Variants in RTP1 observed in about 807,000 individuals in gnomAD.
RTP1 encodes receptor-transporting protein 1.
In RTP1, 24 loss-of-function variants were observed where a neutral mutation model predicts 27.1. The ratio of observed to expected loss-of-function variants is 0.89; its 90% CI spans 0.64 to 1.25. The LOEUF (loss-of-function observed/expected upper bound fraction) is 1.25. Ranked by LOEUF, RTP1 falls within the 50% of genes most tolerant of loss-of-function variation. The pLI, the probability that RTP1 is intolerant of heterozygous loss-of-function variation, is 0.00. For synonymous variants in RTP1, 148 were observed against 148.1 expected, an observed-to-expected ratio of 1.00 and a Z score of 0.00; for missense variants, 338 against 351.6, an observed-to-expected ratio of 0.96 and a Z score of 0.31.
At position 187,199,870 on chromosome 3, in the gene RTP1, A is replaced by G. The variant is rs773109866; in HGVS notation, c.592A>G (p.Ile198Val). Reference sequence around the variant, plus strand: ...GTTCTGCGAGGCCTGCCAGGAGGGCATCGTGCACTGGAAGCCCAGCGAGAA... The same window carrying G: ...GTTCTGCGAGGCCTGCCAGGAGGGCGTCGTGCACTGGAAGCCCAGCGAGAA... ...GEFCEACQEG[I>V]VHWKPSEKLL... The change falls in exon 2 of 2, where the codon ATC becomes GTC. Residue 198 changes from isoleucine to valine, a missense_variant. Coordinates refer to ENST00000312295, the MANE Select transcript of RTP1 (RefSeq NM_153708.3). 22 of 1,597,842 alleles carry G rather than the reference A, an allele frequency of 1.4e-5. No individual in the cohort carries two copies. Among genetic ancestry groups the G allele is most frequent in the Non-Finnish European group, 1.8e-5 (21 of 1,167,630 alleles).
rs372940821 is a variant in RTP1 at position 187,197,853 on chromosome 3, C to T, written c.272+66C>T. 2.3e-5 allele frequency: 34 copies of T among 1,490,324 alleles called. No individual in the cohort carries two copies. In the Middle Eastern group the frequency reaches 1.3e-3, roughly 57 times the overall value. The allele number at this position is 1,490,324 out of a possible 1,614,324, so 92.3% of individuals were successfully genotyped here. On this transcript the variant is annotated intron_variant, in intron 1 of 1. Transcript: ENST00000312295. ...AGGTCCCTAGCTCTGGGGCACCTTC[C>T]AAGGAGAGGAAGATTACGTAGAACC...
chr3:187,200,057 G>A lies in RTP1; in HGVS notation c.779G>A (p.Arg260His). Residue 260 changes from arginine (R) to histidine (H), a missense_variant, in exon 2 of 2, where the codon CGT becomes CAT. By Grantham distance (29) the Arg-to-His change is conservative. Coordinates refer to ENST00000312295, the MANE Select transcript of RTP1 (RefSeq NM_153708.3). ...ATCATCTACCTGCAGTTCTCTTTCC[G>A]TAGCTCCGTATAAGATTCCGTGGTT... ...LLIIYLQFSF[R>H]SSV is the part of the protein sequence containing the mutation. The A allele has an allele frequency of 2.0e-6, 3 of 1,513,024 alleles. No homozygotes were observed. Among genetic ancestry groups the A allele is most frequent in the Non-Finnish European group, 2.7e-6 (3 of 1,129,702 alleles). The allele number at this position is 1,513,024 out of a possible 1,614,324, so 93.7% of individuals were successfully genotyped here. A position where few individuals can be genotyped will look rare whatever the true frequency, so the allele number is the denominator to read the frequency against.
chr3:187,199,689 G>T lies in RTP1; in HGVS notation c.411G>T (p.Thr137=), dbSNP rs762825309. Reference sequence around the variant, plus strand: ...AGCAGCTGTGCTATGAGTGCGGCACGGCGCGGCTGGACGAGTCCAGCATGC... The same window carrying T: ...AGCAGCTGTGCTATGAGTGCGGCACTGCGCGGCTGGACGAGTCCAGCATGC... ...VFKQLCYECG[T]ARLDESSMLE... The change falls in exon 2 of 2, where the codon ACG becomes ACT. Residue 137 remains threonine (T), a synonymous_variant. Transcript: ENST00000312295. 1.2e-6 allele frequency: 2 copies of T among 1,612,254 alleles called. No individual in the cohort carries two copies. The highest frequency in any genetic ancestry group is 8.5e-7 in the Non-Finnish European group (1 of 1,178,578).
Position 187,200,023 on chromosome 3 carries a change from C to G in RTP1, c.745C>G (p.Leu249Val), listed in dbSNP as rs746108028. 2.0e-6 allele frequency: 3 copies of G among 1,525,046 alleles called. No homozygotes were observed. Among genetic ancestry groups the G allele is most frequent in the South Asian group, 1.3e-5 (1 of 77,158 alleles). 94.5% of individuals were successfully genotyped at this position (1,525,046 alleles called of 1,614,324 possible). Reference sequence around the variant, plus strand: ...CTGGTGCTTGTTTTGGGCCACGGTCCTGCTGCTGATCATCTACCTGCAGTT... The same window carrying G: ...CTGGTGCTTGTTTTGGGCCACGGTCGTGCTGCTGATCATCTACCTGCAGTT... ...IPWCLFWATV[L>V]LLIIYLQFSF... Residue 249 changes from leucine to valine, a missense_variant, in exon 2 of 2, where the codon CTG becomes GTG. Leu to Val is a conservative substitution (Grantham distance 32). Transcript: ENST00000312295.
In RTP1 at chr3:187,200,236, G is replaced by T; in HGVS notation, c.*166G>T. ...CAGTTTTTCCATCTATAAAACTCAG[G>T]GTTTGGGCAAGATCATTGGTTTATC... On this transcript the variant is annotated 3_prime_UTR_variant, in exon 2 of 2. Transcript: ENST00000312295. 2 of 576,272 alleles carry T rather than the reference G, an allele frequency of 3.5e-6. No individual in the cohort carries two copies. Among genetic ancestry groups the T allele is most frequent in the Non-Finnish European group, 5.3e-6 (2 of 376,414 alleles). 35.7% of individuals were successfully genotyped at this position (576,272 alleles called of 1,614,324 possible).
chr3:187,199,565 G>C lies in RTP1; in HGVS notation c.287G>C (p.Trp96Ser), dbSNP rs1286874526. 1 of 1,592,112 alleles carries C rather than the reference G, an allele frequency of 6.3e-7. No individual in the cohort carries two copies. Among genetic ancestry groups the C allele is most frequent in the East Asian group, 2.3e-5 (1 of 44,368 alleles). ...LHASGRFHCS[W>S]CWHTWQSPYV... ...CGTCTCCGCAGGTTCCACTGCTCCT[G>C]GTGCTGGCACACCTGGCAGTCGCCC... Residue 96 changes from tryptophan to serine, a missense_variant, in exon 2 of 2, where the codon TGG becomes TCG. Transcript: ENST00000312295.
Position 187,199,586 on chromosome 3 carries a change from C to T in RTP1, c.308C>T (p.Ser103Leu), listed in dbSNP as rs369414421. Reference protein sequence around the residue: ...HCSWCWHTWQSPYVVILFHMF... With the variant: ...HCSWCWHTWQLPYVVILFHMF... ...TCCTGGTGCTGGCACACCTGGCAGTCGCCCTACGTGGTCATCCTCTTCCAC... is the reference window on the plus strand; with the variant it reads ...TCCTGGTGCTGGCACACCTGGCAGTTGCCCTACGTGGTCATCCTCTTCCAC... Residue 103 changes from serine (S) to leucine (L), a missense_variant, in exon 2 of 2, where the codon TCG (serine) becomes TTG (leucine). Physicochemically the swap from Ser to Leu is moderately radical, Grantham distance 145 (BLOSUM62 -2). Transcript: ENST00000312295. 6.9e-6 allele frequency: 11 copies of T among 1,598,896 alleles called. No individual in the cohort carries two copies. The highest frequency in any genetic ancestry group is 1.3e-5 in the African/African-American group (1 of 74,786).
In RTP1 at chr3:187,199,940, C is replaced by G; in HGVS notation, c.662C>G (p.Pro221Arg). 6.3e-7 allele frequency: 1 copy of G among 1,595,904 alleles called. No individual in the cohort carries two copies. The highest frequency in any genetic ancestry group is 1.1e-5 in the South Asian group (1 of 88,286). ...EATTYTFSRAPSPTKSQDQTG... is the reference protein window; with the variant it reads ...EATTYTFSRARSPTKSQDQTG... The stretch of plus-strand genomic sequence containing the variant: ...ACCACCTACACCTTCTCCCGGGCGC[C>G]CAGCCCCACCAAGTCGCAGGACCAG... Residue 221 changes from proline to arginine, a missense_variant, in exon 2 of 2, where the codon CCC becomes CGC. By Grantham distance (103) the Pro-to-Arg change is moderately radical. Transcript: ENST00000312295.
chr3:187,198,982 A>G (rs1721653020), intron 1 of RTP1, among the ~76,000 whole-genome samples: 1 of 151,986 alleles, frequency 6.6e-6, no homozygotes, highest in African/African-American at 2.4e-5. Flanking sequence ...CTGGCTGGGG[A>G]CCTGTAATCC....
intron 1 of RTP1, chr3:187,198,554 G>A (rs985197854): frequency 2.6e-5 from 4 of 152,304 alleles, no homozygotes; most frequent in East Asian, 3.9e-4. Context: ...GGGAGGCTGA[G>A]TGGTGCAGCC....
intron 1 of RTP1, chr3:187,198,032 T>G: frequency 4.0e-6 from 2 of 504,286 alleles, no homozygotes. Flanking sequence ...TTTTTCCGTC[T>G]GGAAAATAAA....
rs376584146 is a variant in RTP1 at position 187,199,677 on chromosome 3, T to C, written c.399T>C (p.Tyr133=). 4 of 1,611,288 alleles carry C rather than the reference T, an allele frequency of 2.5e-6. No homozygotes were observed. Among genetic ancestry groups the C allele is most frequent in the South Asian group, 1.1e-5 (1 of 91,032 alleles). Residue 133 remains tyrosine, a synonymous_variant, in exon 2 of 2, where the codon TAT becomes TAC. Transcript: ENST00000312295. The stretch of plus-strand genomic sequence containing the variant: ...TGCGCGTCTTCAAGCAGCTGTGCTA[T>C]GAGTGCGGCACGGCGCGGCTGGACG... ...VRMRVFKQLC[Y]ECGTARLDES...
chr3:187,200,071 G>T lies in RTP1; in HGVS notation c.*1G>T. The T allele has an allele frequency of 6.6e-7, 1 of 1,505,180 alleles. No individual in the cohort carries two copies. Among genetic ancestry groups the T allele is most frequent in the Non-Finnish European group, 8.9e-7 (1 of 1,125,540 alleles). 93.2% of individuals were successfully genotyped at this position (1,505,180 alleles called of 1,614,324 possible). ...GTTCTCTTTCCGTAGCTCCGTATAA[G>T]ATTCCGTGGTTGGGCCCAGAGCCTG... On this transcript the variant is annotated 3_prime_UTR_variant, in exon 2 of 2. Coordinates refer to ENST00000312295, the MANE Select transcript of RTP1 (RefSeq NM_153708.3).
rs769923449 is a variant in RTP1, at chr3:187,199,864, G to C, written c.586G>C (p.Glu196Gln). The C allele has an allele frequency of 3.1e-6, 5 of 1,598,836 alleles. No homozygotes were observed. Among genetic ancestry groups the C allele is most frequent in the Non-Finnish European group, 4.3e-6 (5 of 1,168,326 alleles). The change falls in exon 2 of 2, where the codon GAG becomes CAG. Residue 196 changes from glutamate (E) to glutamine (Q), a missense_variant. By Grantham distance (29) the Glu-to-Gln change is conservative. Coordinates refer to ENST00000312295, the MANE Select transcript of RTP1 (RefSeq NM_153708.3). ...HRGEFCEACQ[E>Q]GIVHWKPSEK... is the part of the protein sequence containing the mutation. Reference sequence around the variant, plus strand: ...CGGAGAGTTCTGCGAGGCCTGCCAGGAGGGCATCGTGCACTGGAAGCCCAG... The same window carrying C: ...CGGAGAGTTCTGCGAGGCCTGCCAGCAGGGCATCGTGCACTGGAAGCCCAG...
chr3:187,199,451 C>T (rs1490931649), intron 1 of RTP1, 100 bp from the exon 2 acceptor site: 2 of 1,338,686 alleles, frequency 1.5e-6, no homozygotes, highest in Non-Finnish European at 1.0e-6. Context: ...CCTCCACCTC[C>T]AGGCTCTGCT....
Position 187,200,042 on chromosome 3 carries a change from T to C in RTP1, c.764T>C (p.Leu255Pro). ...ACGGTCCTGCTGCTGATCATCTACC[T>C]GCAGTTCTCTTTCCGTAGCTCCGTA... is the stretch of plus-strand genomic sequence containing the variant. ...WATVLLLIIYLQFSFRSSV is the reference protein window; with the variant it reads ...WATVLLLIIYPQFSFRSSV The change falls in exon 2 of 2, where the codon CTG (leucine) becomes CCG (proline). Residue 255 changes from leucine (L) to proline (P), a missense_variant. Leu to Pro is a moderately conservative substitution (Grantham distance 98). Transcript: ENST00000312295. 6.6e-7 allele frequency: 1 copy of C among 1,516,110 alleles called. No homozygotes were observed. The highest frequency in any genetic ancestry group is 8.8e-7 in the Non-Finnish European group (1 of 1,131,142). 93.9% of individuals were successfully genotyped at this position (1,516,110 alleles called of 1,614,324 possible).
rs568182329 is a variant in RTP1 at position 187,200,383 on chromosome 3, ACCT to A, written c.*321_*323del. On this transcript the variant is annotated 3_prime_UTR_variant, in exon 2 of 2. Coordinates refer to ENST00000312295, the MANE Select transcript of RTP1 (RefSeq NM_153708.3). ...TCTAAACACCCATCCTCCAACTCCT[ACCT>A]CCTCCTCTTGCTTCGATCAGAACAG... is the stretch of plus-strand genomic sequence containing the variant. 8 of 233,052 alleles carry A rather than the reference ACCT, an allele frequency of 3.4e-5. No individual in the cohort carries two copies. The South Asian group carries it at 1.3e-3, about 38-fold the overall frequency. The allele number at this position is 233,052 out of a possible 1,614,324, so 14.4% of individuals were successfully genotyped here. A position where few individuals can be genotyped will look rare whatever the true frequency, so the allele number is the denominator to read the frequency against.
rs767272536 is a variant in RTP1, at chr3:187,200,085, G to A, written c.*15G>A. Reference sequence around the variant, plus strand: ...GCTCCGTATAAGATTCCGTGGTTGGGCCCAGAGCCTGTCGAGGGTGCCAGT... The same window carrying A: ...GCTCCGTATAAGATTCCGTGGTTGGACCCAGAGCCTGTCGAGGGTGCCAGT... On this transcript the variant is annotated 3_prime_UTR_variant, in exon 2 of 2. Transcript: ENST00000312295. 3 of 1,492,880 alleles carry A rather than the reference G, an allele frequency of 2.0e-6. No individual in the cohort carries two copies. The South Asian group carries it at 4.4e-5, about 22-fold the overall frequency. The allele number at this position is 1,492,880 out of a possible 1,614,324, so 92.5% of individuals were successfully genotyped here. A position where few individuals can be genotyped will look rare whatever the true frequency, so the allele number is the denominator to read the frequency against.
At chr3:187,199,521 C>T in intron 1 of RTP1, 30 bp from the exon 2 acceptor site, 1 of 1,558,072 alleles carries the variant, frequency 6.4e-7, no homozygotes, top group Non-Finnish European at 8.7e-7. Flanking sequence ...CGCCCGTCTT[C>T]TATTCCTCCC....
Sources: allele counts gnomAD v4.1 joint callset (sites outside exome capture counted in the v4.1 genomes callset), GRCh38; gene constraint gnomAD v4.1.1; transcripts MANE v1.5; gene names NCBI Gene and HGNC (gene_info 2026-07-23, HGNC 2026-07-21).